PAK5: variants seen among roughly 807,000 people sequenced by gnomAD.
PAK5 encodes the protein p21 (RAC1) activated kinase 5.
A neutral mutation model predicts 65.9 loss-of-function variants in PAK5; 16 were observed. The observed-to-expected ratio is 0.24, with a 90% CI of 0.16 to 0.37. The LOEUF (loss-of-function observed/expected upper bound fraction) is 0.37, where lower values mean the gene tolerates loss of function less well. PAK5 is among the 10% of genes least tolerant of loss of function. The pLI is 1.00. For synonymous variants in PAK5, 371 were observed against 354.9 expected (o/e 1.05, Z -0.51); for missense variants, 785 against 903.9 (o/e 0.87, Z 1.69).
chr20:9,816,547 A>AGGTTGAAT (rs1347573137), intron 1 of PAK5, among the ~76,000 whole-genome samples: 1 of 152,202 alleles, frequency 6.6e-6, no homozygotes, highest in African/African-American at 2.4e-5. Context: ...AGGCAGAGGA[A>AGGTTGAAT]GGTTGAATCT....
At chr20:9,614,286 T>C (rs2046615553) in intron 3 of PAK5, among the ~76,000 whole-genome samples, 1 of 151,630 alleles carries the variant, frequency 6.6e-6, no homozygotes, top group Non-Finnish European at 1.5e-5. Context: ...AATAGAAACA[T>C]CCAGAACTGA....
rs924084576 is a variant in PAK5, at chr20:9,722,468, T to C, written c.-161-11033A>G. Among the ~76,000 whole-genome samples the C allele has an allele frequency of 2.6e-4, 40 of 151,606 alleles. 1 individual carries two copies. Among genetic ancestry groups the C allele is most frequent in the African/African-American group, 9.2e-4 (38 of 41,346 alleles). On this transcript the variant is annotated intron_variant, in intron 1 of 9. Coordinates refer to ENST00000353224, the MANE Select transcript of PAK5 (RefSeq NM_177990.4). ...TCTACTAAAACTACAAAAAATTAGC[T>C]GGGCATGGTGGCGGGCGCCTGTAGT...
chr20:9,737,343 G>C (rs2123572786), intron 1 of PAK5, among the ~76,000 whole-genome samples: 1 of 152,126 alleles, frequency 6.6e-6, no homozygotes, highest in South Asian at 2.1e-4. Context: ...AAAGAAAGTT[G>C]GAATGCTTAT....
intron 3 of PAK5, among the ~76,000 whole-genome samples, chr20:9,640,701 C>T (rs547369939): frequency 3.3e-5 from 5 of 152,218 alleles, no homozygotes; most frequent in Admixed American, 2.6e-4. Flanking sequence ...TTCAGAATTT[C>T]TTCCTTCTGG....
chr20:9,624,743 G>C (rs1012035919), intron 3 of PAK5, among the ~76,000 whole-genome samples: 4 of 151,902 alleles, frequency 2.6e-5, no homozygotes, highest in Admixed American at 1.3e-4. Context: ...CTGTTGGTGA[G>C]TCCTTTGGGT....
chr20:9,675,275 G>C (rs756895694), intron 2 of PAK5, among the ~76,000 whole-genome samples: 1 of 152,108 alleles, frequency 6.6e-6, no homozygotes, highest in African/African-American at 2.4e-5. Flanking sequence ...AAGCAGTCCA[G>C]CTGCATACTG....
chr20:9,719,949 A>G (rs1207999717), intron 1 of PAK5, among the ~76,000 whole-genome samples: 1 of 152,214 alleles, frequency 6.6e-6, no homozygotes, highest in East Asian at 1.9e-4. Flanking sequence ...ATTTAATCTG[A>G]CACCTAAAAT....
intron 3 of PAK5, among the ~76,000 whole-genome samples, chr20:9,591,742 G>A (rs1162380413): frequency 2.6e-5 from 4 of 151,938 alleles, no homozygotes; most frequent in African/African-American, 9.7e-5. Flanking sequence ...GGGCCACAAT[G>A]TATTGCATTC....
chr20:9,653,262 A>G (rs2047223868), intron 2 of PAK5, among the ~76,000 whole-genome samples: 1 of 152,200 alleles, frequency 6.6e-6, no homozygotes, highest in South Asian at 2.1e-4. Context: ...GAAAAACTGC[A>G]TGGAAAGTGT....
intron 1 of PAK5, among the ~76,000 whole-genome samples, chr20:9,765,117 T>C (rs1206653940): frequency 6.6e-6 from 1 of 152,204 alleles, no homozygotes; most frequent in Admixed American, 6.5e-5. Context: ...CATAACATGA[T>C]GCTGTCCGGG....
intron 3 of PAK5, among the ~76,000 whole-genome samples, chr20:9,617,203 T>A (rs2046673231): frequency 6.6e-6 from 1 of 152,172 alleles, no homozygotes; most frequent in East Asian, 1.9e-4. Flanking sequence ...CTTCAATACA[T>A]CTGATGTGTG....
intron 1 of PAK5, among the ~76,000 whole-genome samples, chr20:9,785,119 C>A (rs371070147): frequency 6.6e-6 from 1 of 151,890 alleles, no homozygotes; most frequent in African/African-American, 2.4e-5. Flanking sequence ...AATATCATAA[C>A]CCCTGGCTAT....
intron 1 of PAK5, among the ~76,000 whole-genome samples, chr20:9,827,562 A>C (rs992772910): frequency 6.6e-6 from 1 of 152,138 alleles, no homozygotes; most frequent in Admixed American, 6.5e-5. Context: ...AAAAATCTAC[A>C]AAACATTGTG....
chr20:9,799,180 T>C (rs1569092695), intron 1 of PAK5, among the ~76,000 whole-genome samples: 1 of 152,158 alleles, frequency 6.6e-6, no homozygotes, highest in Non-Finnish European at 1.5e-5. Flanking sequence ...GGTGTGCAAT[T>C]TTAAACTGTA....
chr20:9,725,060 A>T (rs569597064), intron 1 of PAK5, among the ~76,000 whole-genome samples: 6 of 152,236 alleles, frequency 3.9e-5, no homozygotes, highest in East Asian at 1.9e-4. Context: ...AATTTAAAAA[A>T]TTTTTAAAAT....
intron 3 of PAK5, among the ~76,000 whole-genome samples, chr20:9,633,847 G>C (rs938080386): frequency 1.3e-5 from 2 of 152,220 alleles, no homozygotes; most frequent in Non-Finnish European, 2.9e-5. Context: ...TTCAGGGATA[G>C]ATCTAACCAT....
At chr20:9,630,701 A>G (rs907320042) in intron 3 of PAK5, among the ~76,000 whole-genome samples, 3 of 152,246 alleles carry the variant, frequency 2.0e-5, no homozygotes, top group African/African-American at 7.2e-5. Context: ...ATGAAAAGGA[A>G]GGGCAGAACC....
At chr20:9,774,872 C>T (rs1259746135) in intron 1 of PAK5, among the ~76,000 whole-genome samples, 1 of 152,128 alleles carries the variant, frequency 6.6e-6, no homozygotes, top group Admixed American at 6.6e-5. Context: ...AGGAGAATAG[C>T]GTGAACCCAG....
intron 2 of PAK5, among the ~76,000 whole-genome samples, chr20:9,659,848 G>A (rs958249489): frequency 6.6e-6 from 1 of 152,130 alleles, no homozygotes; most frequent in Non-Finnish European, 1.5e-5. Flanking sequence ...CTGTTGACAT[G>A]TCAGCTTCAA....
Sources: allele counts gnomAD v4.1 joint callset (sites outside exome capture counted in the v4.1 genomes callset), GRCh38; gene constraint gnomAD v4.1.1; transcripts MANE v1.5; gene names NCBI Gene and HGNC (gene_info 2026-07-23, HGNC 2026-07-21).